The following LEMD1 variants were observed in gnomAD, a reference collection of about 807,000 sequenced individuals.
LEMD1 encodes LEM domain-containing protein 1.
A neutral mutation model predicts 17.4 loss-of-function variants in LEMD1; 18 were observed. That is an observed-to-expected ratio of 1.04 (90% CI 0.72 to 1.54). The LOEUF is 1.54. Among genes scored for constraint, LEMD1 ranks in the 40% most tolerant of loss-of-function variants. The probability of loss-of-function intolerance (pLI) is 0.00; values close to 1 mark genes in which losing one functional copy is unlikely to be tolerated. For synonymous variants in LEMD1, 88 were observed against 77.8 expected (o/e 1.13, Z -0.69); for missense variants, 195 against 210.4 (o/e 0.93, Z 0.45).
rs1666444070 is a variant in LEMD1, at chr1:205,448,621, G to GTCC, written c.-39+1244_-39+1246dup. Among the ~76,000 whole-genome samples the GTCC allele has an allele frequency of 6.6e-6, 1 of 152,004 alleles. No individual in the cohort carries two copies. The highest frequency in any genetic ancestry group is 2.1e-4 in the South Asian group (1 of 4,818). On this transcript the variant is annotated intron_variant, in intron 1 of 3. Coordinates refer to the LEMD1 transcript ENST00000367154. The surrounding 1 kb of genome is among the most constrained non-coding windows in gnomAD (Gnocchi z 4.7). ...TGCCCTACAAAGGCCTCACACAATG[G>GTCC]TCCTCACTCCAGGGTATGAGGAGGG...
chr1:205,433,567 G>T (rs1575004531), intron 1 of LEMD1, among the ~76,000 whole-genome samples: 1 of 152,304 alleles, frequency 6.6e-6, no homozygotes, highest in Non-Finnish European at 1.5e-5. Context: ...ATAGGGCCGG[G>T]ACTCAATATT....
chr1:205,382,048 C>T (rs1663728448), intron 5 of LEMD1, 192 bp from the exon 6 acceptor site: 2 of 596,890 alleles, frequency 3.4e-6, no homozygotes, highest in South Asian at 4.1e-5. Flanking sequence ...GTTGTCCAGG[C>T]TGGAGTGCAG....
intron 3 of LEMD1, among the ~76,000 whole-genome samples, chr1:205,417,941 A>G (rs75058787): frequency 0.042 from 6,430 of 152,072 alleles, 208 homozygotes; most frequent in African/African-American, 0.09. Flanking sequence ...ACTGGGTCCA[A>G]ATCTCAGTTC....
chr1:205,392,136 C>T (rs1664372886), intron 4 of LEMD1, among the ~76,000 whole-genome samples: 1 of 151,560 alleles, frequency 6.6e-6, no homozygotes, highest in African/African-American at 2.4e-5. Context: ...CAAAAACCAT[C>T]CAGGGTCTCC....
chr1:205,410,901 AG>A (rs1665360596), intron 4 of LEMD1, among the ~76,000 whole-genome samples: 1 of 151,418 alleles, frequency 6.6e-6, no homozygotes, highest in Non-Finnish European at 1.5e-5. Context: ...AAGCAAAGGA[AG>A]GAAGGAAGGA....
intron 4 of LEMD1, among the ~76,000 whole-genome samples, chr1:205,403,286 C>T (rs1422754880): frequency 7.2e-5 from 11 of 151,918 alleles, no homozygotes; most frequent in African/African-American, 2.6e-4. Context: ...GTACCAGTTC[C>T]TCCTTGTACC....
At chr1:205,425,684 T>C (rs1666045694), upstream of LEMD1, among the ~76,000 whole-genome samples, 1 of 152,116 alleles carries the variant, frequency 6.6e-6, no homozygotes, top group East Asian at 1.9e-4. Flanking sequence ...TTTACTCAAA[T>C]GCAGTGAAGG....
At chr1:205,411,240 AAAGG>A (rs1367135076) in intron 4 of LEMD1, among the ~76,000 whole-genome samples, 252 of 148,588 alleles carry the variant, frequency 1.7e-3, no homozygotes, top group African/African-American at 2.5e-3. Flanking sequence ...GGAGGGAGGG[AAAGG>A]AAGGAAGGAA....
rs764620751 is a variant in LEMD1 at position 205,419,254 on chromosome 1, C to G, written c.181G>C (p.Ala61Pro). 6.2e-7 allele frequency: 1 copy of G among 1,614,096 alleles called. No homozygotes were observed. Among genetic ancestry groups the G allele is most frequent in the African/African-American group, 1.3e-5 (1 of 74,928 alleles). ...VMNGPRELDG[A>P]QDSDDSEELN... ...CCTTCGCTGTCATCACTGTCCTGCG[C>G]TCCATCCAGCTCTCTGGGTCCATTC... The change falls in exon 3 of 6, where the codon GCG becomes CCG. Residue 61 changes from alanine to proline, a missense_variant. Ala to Pro is a conservative substitution (Grantham distance 27). Coordinates refer to ENST00000367153, the MANE Select transcript of LEMD1 (RefSeq NM_001199050.2).
intron 1 of LEMD1, chr1:205,436,309 C>T (rs749685557): frequency 4.6e-5 from 7 of 152,224 alleles, no homozygotes; most frequent in East Asian, 1.9e-4. Context: ...CTCAGTATGA[C>T]GACTTCCTCC....
rs1254370109 is a variant in LEMD1 at position 205,448,477 on chromosome 1, C to T, written c.-39+1391G>A. ...GAAGCCCTCACTCCCCTTCTCAGCACCCCCGACCCCAGACCCACCCACACT... is the reference window on the plus strand; with the variant it reads ...GAAGCCCTCACTCCCCTTCTCAGCATCCCCGACCCCAGACCCACCCACACT... On this transcript the variant is annotated intron_variant, in intron 1 of 3. Transcript: ENST00000367154. This position sits in a 1 kb window ranked among gnomAD's most constrained non-coding sequence, Gnocchi z 4.7. 1 of 500,026 alleles carries T rather than the reference C, an allele frequency of 2.0e-6. No homozygotes were observed. Among genetic ancestry groups the T allele is most frequent in the Middle Eastern group, 6.4e-4 (1 of 1,564 alleles). The allele number at this position is 500,026 out of a possible 1,614,324, so 31.0% of individuals were successfully genotyped here.
At chr1:205,433,978 T>A (rs1303212449) in intron 1 of LEMD1, among the ~76,000 whole-genome samples, 1 of 152,256 alleles carries the variant, frequency 6.6e-6, no homozygotes, top group Non-Finnish European at 1.5e-5. Flanking sequence ...TTGGAATCTC[T>A]GTTCCCCCAT....
chr1:205,394,093 G>A (rs1368128867), intron 4 of LEMD1, among the ~76,000 whole-genome samples: 5 of 148,250 alleles, frequency 3.4e-5, no homozygotes, highest in South Asian at 2.1e-4. Context: ...TATATGAAGC[G>A]AAAGAAGTGA....
chr1:205,397,674 A>G (rs1298573431), intron 4 of LEMD1, among the ~76,000 whole-genome samples: 1 of 152,220 alleles, frequency 6.6e-6, no homozygotes. Context: ...AGCCCTGACA[A>G]GTCTCAAGAG....
At chr1:205,400,842 C>CTT (rs1490208266) in intron 4 of LEMD1, among the ~76,000 whole-genome samples, 1 of 26,990 alleles carries the variant, frequency 3.7e-5, no homozygotes, top group Non-Finnish European at 7.7e-5. Flanking sequence ...AATGCTATCC[C>CTT]TCCCCCCCCC....
chr1:205,411,686 A>G (rs1665455079), intron 4 of LEMD1, among the ~76,000 whole-genome samples: 2 of 151,846 alleles, frequency 1.3e-5, no homozygotes, highest in Non-Finnish European at 2.9e-5. Context: ...AAAGAAAGAA[A>G]GAAAGAAAGA....
rs534866701 is a variant in LEMD1, at chr1:205,419,577, G to A, written c.83-225C>T. On this transcript the variant is annotated intron_variant, in intron 2 of 5. Coordinates refer to ENST00000367153, the MANE Select transcript of LEMD1 (RefSeq NM_001199050.2). ...CCTCCCATATTCAAGCGATTCTCCG[G>A]CCTCAGCCCCTCCAGCAGCTGGGAC... Among the ~76,000 whole-genome samples the A allele has an allele frequency of 2.0e-5, 3 of 152,230 alleles. No individual in the cohort carries two copies. The South Asian group carries it at 6.2e-4, about 32-fold the overall frequency.
intron 3 of LEMD1, among the ~76,000 whole-genome samples, chr1:205,418,601 C>T (rs61263699): frequency 0.012 from 1,866 of 152,226 alleles, 30 homozygotes; most frequent in African/African-American, 0.039. Flanking sequence ...CTGCAACCTC[C>T]GCCTCCCTGG....
In LEMD1 at chr1:205,404,889, C is replaced by G. The variant is rs533057437; in HGVS notation, c.270+11343G>C. ...GCTTCCTTCAGGAGCTCTTTTAGGG[C>G]AGGCCTGGTGGTGACAAAATCTCTC... On this transcript the variant is annotated intron_variant, in intron 4 of 5. Transcript: ENST00000367153. Among the ~76,000 whole-genome samples the G allele has an allele frequency of 5.0e-4, 76 of 152,120 alleles. 2 individuals are homozygous for G. The South Asian group carries it at 0.015, about 31-fold the overall frequency.
Sources: allele counts gnomAD v4.1 joint callset (sites outside exome capture counted in the v4.1 genomes callset), GRCh38; gene constraint gnomAD v4.1.1; non-coding constraint Gnocchi (gnomAD v3.1); transcripts MANE v1.5; gene names NCBI Gene and HGNC (gene_info 2026-07-23, HGNC 2026-07-21).